The following ZBTB16 variants were observed in gnomAD, a reference collection of about 807,000 sequenced individuals.
The protein encoded by ZBTB16 is zinc finger and BTB domain containing 16.
Under a neutral mutation model 56.8 loss-of-function variants are expected in ZBTB16, and 8 were observed. That is an observed-to-expected ratio of 0.14 (90% confidence interval 0.08 to 0.25). The LOEUF is 0.25. ZBTB16 is among the 10% of genes least tolerant of loss of function. ZBTB16 has a pLI of 1.00. For synonymous variants in ZBTB16, 363 were observed against 368.5 expected (o/e 0.98, Z 0.17); for missense variants, 625 against 903.0 (o/e 0.69, Z 3.95).
intron 4 of ZBTB16, among the ~76,000 whole-genome samples, chr11:114,215,167 G>A (rs566385986): frequency 1.3e-5 from 2 of 152,248 alleles, no homozygotes; most frequent in South Asian, 4.1e-4. Context: ...CTAATTTTAC[G>A]AATGTTCCTT....
chr11:114,131,671 C>A (rs763585620), intron 2 of ZBTB16, among the ~76,000 whole-genome samples: 9 of 152,130 alleles, frequency 5.9e-5, no homozygotes, highest in Non-Finnish European at 1.3e-4. Context: ...ATAGCTCCCC[C>A]CCTTTTTTTC....
chr11:114,249,500 T>C, intron 6 of ZBTB16, among the ~76,000 whole-genome samples: 1 of 109,828 alleles, frequency 9.1e-6, no homozygotes, highest in African/African-American at 3.7e-5. Context: ...GCGCGGTGGC[T>C]CACGCCTGTA....
intron 4 of ZBTB16, among the ~76,000 whole-genome samples, chr11:114,201,944 A>G (rs1376096925): frequency 6.6e-6 from 1 of 152,258 alleles, no homozygotes; most frequent in Admixed American, 6.5e-5. Context: ...TGTGTATGGA[A>G]GGAGGACTTC....
chr11:114,107,710 A>G (rs1385427038), intron 2 of ZBTB16, among the ~76,000 whole-genome samples: 1 of 152,252 alleles, frequency 6.6e-6, no homozygotes, highest in Non-Finnish European at 1.5e-5. Flanking sequence ...GAGGAGATGC[A>G]TAATATGTGT....
intron 2 of ZBTB16, among the ~76,000 whole-genome samples, chr11:114,111,705 C>T (rs577883726): frequency 1.3e-5 from 2 of 152,300 alleles, no homozygotes; most frequent in East Asian, 3.9e-4. Flanking sequence ...GATTCTGACA[C>T]CTCTGTTTTG....
intron 2 of ZBTB16, among the ~76,000 whole-genome samples, chr11:114,110,891 C>A (rs1940979724): frequency 6.6e-6 from 1 of 152,186 alleles, no homozygotes; most frequent in Non-Finnish European, 1.5e-5. Context: ...TTTACACATG[C>A]TGTGCTTAAA....
chr11:114,066,601 C>A (rs1260186020), intron 2 of ZBTB16, among the ~76,000 whole-genome samples: 1 of 152,122 alleles, frequency 6.6e-6, no homozygotes, highest in Non-Finnish European at 1.5e-5. Flanking sequence ...ATACCACTCT[C>A]CTGAGACTTC....
intron 3 of ZBTB16, among the ~76,000 whole-genome samples, chr11:114,173,531 G>A (rs1351149550): frequency 6.6e-6 from 1 of 152,218 alleles, no homozygotes; most frequent in Admixed American, 6.5e-5. Context: ...GACAACTCTG[G>A]AGTCTCTAGG....
intron 4 of ZBTB16, among the ~76,000 whole-genome samples, chr11:114,210,192 T>TGCGCGC (rs1555155978): frequency 7.0e-4 from 101 of 143,342 alleles, no homozygotes; most frequent in Non-Finnish European, 1.1e-3. Context: ...TGTGTGTGTG[T>TGCGCGC]GCGTGCGCGC....
chr11:114,103,693 GATGCT>G (rs1279737682), intron 2 of ZBTB16, among the ~76,000 whole-genome samples: 1 of 152,126 alleles, frequency 6.6e-6, no homozygotes, highest in Non-Finnish European at 1.5e-5. Flanking sequence ...GCGCTTATCA[GATGCT>G]TTAGAAGATG....
intron 3 of ZBTB16, 33 bp downstream of exon 3, chr11:114,156,467 T>C: frequency 1.2e-6 from 2 of 1,601,446 alleles, no homozygotes; most frequent in Non-Finnish European, 1.7e-6. Flanking sequence ...CCCGTTCAGA[T>C]ACAGGCAACC....
intron 2 of ZBTB16, among the ~76,000 whole-genome samples, chr11:114,127,282 A>G (rs1941533680): frequency 6.6e-6 from 1 of 152,142 alleles, no homozygotes; most frequent in South Asian, 2.1e-4. Flanking sequence ...TTGCAGATCA[A>G]GGGTTCTCAA....
rs559626651 is a variant in ZBTB16, at chr11:114,253,753, A to G, written c.*3198A>G. On this transcript the variant is annotated 3_prime_UTR_variant, in exon 7 of 7. Coordinates refer to ENST00000335953, the MANE Select transcript of ZBTB16 (RefSeq NM_006006.6). Reference sequence around the variant, plus strand: ...AACTTCCTACCTACAACAACAGAACAGTTCTAATGTTGCACGGCCTAGTGG... The same window carrying G: ...AACTTCCTACCTACAACAACAGAACGGTTCTAATGTTGCACGGCCTAGTGG... Among the ~76,000 whole-genome samples the G allele has an allele frequency of 1.4e-4, 22 of 152,214 alleles. No individual in the cohort carries two copies. The highest frequency in any genetic ancestry group is 2.9e-4 in the Non-Finnish European group (20 of 68,042).
intron 2 of ZBTB16, among the ~76,000 whole-genome samples, chr11:114,088,192 A>G (rs1475804199): frequency 2.4e-5 from 3 of 126,426 alleles, no homozygotes; most frequent in Non-Finnish European, 3.2e-5. Context: ...CCCAGGCTGG[A>G]GTGTAGTGGC....
intron 2 of ZBTB16, among the ~76,000 whole-genome samples, chr11:114,113,320 T>C (rs1941078429): frequency 6.6e-6 from 1 of 152,230 alleles, no homozygotes; most frequent in Non-Finnish European, 1.5e-5. Flanking sequence ...TGGGACATTC[T>C]TCAAAAGAGA....
chr11:114,143,072 C>T lies in ZBTB16; in HGVS notation c.1269-13265C>T, dbSNP rs1011338135. ...TTGGTTTCTCTGCTGCCTTGGTGAG[C>T]GTGGGCTTGCTCCCACCTACTCTCC... is the stretch of plus-strand genomic sequence containing the variant. On this transcript the variant is annotated intron_variant, in intron 2 of 6. Transcript: ENST00000335953. This position sits in a 1 kb window ranked among gnomAD's most constrained non-coding sequence, Gnocchi z 6.4. 1.3e-4 allele frequency among the ~76,000 whole-genome samples: 20 copies of T among 152,232 alleles called. No individual in the cohort carries two copies. Among genetic ancestry groups the T allele is most frequent in the African/African-American group, 4.1e-4 (17 of 41,522 alleles).
At chr11:114,135,091 C>A (rs1941763904) in intron 2 of ZBTB16, among the ~76,000 whole-genome samples, 1 of 152,216 alleles carries the variant, frequency 6.6e-6, no homozygotes, top group Non-Finnish European at 1.5e-5. Context: ...CATGTGTGCA[C>A]ACACAGAGAC....
Position 114,253,113 on chromosome 11 carries a change from A to G in ZBTB16, c.*2558A>G, listed in dbSNP as rs1394571634. Among the ~76,000 whole-genome samples, 3 of 152,134 alleles carry G rather than the reference A, an allele frequency of 2.0e-5. No individual in the cohort carries two copies. Among genetic ancestry groups the G allele is most frequent in the African/African-American group, 7.2e-5 (3 of 41,400 alleles). Reference sequence around the variant, plus strand: ...TCCTCTGGTCTGGGAAGAAGCGGGGACTGGCTGGCCCTCAGGGGATCTGTA... The same window carrying G: ...TCCTCTGGTCTGGGAAGAAGCGGGGGCTGGCTGGCCCTCAGGGGATCTGTA... On this transcript the variant is annotated 3_prime_UTR_variant, in exon 7 of 7. Transcript: ENST00000335953.
chr11:114,166,737 C>T (rs1312720049), intron 3 of ZBTB16, among the ~76,000 whole-genome samples: 1 of 152,094 alleles, frequency 6.6e-6, no homozygotes, highest in Non-Finnish European at 1.5e-5. Flanking sequence ...TTGGATTCAG[C>T]CATGAAAATG....
Sources: allele counts gnomAD v4.1 joint callset (sites outside exome capture counted in the v4.1 genomes callset), GRCh38; gene constraint gnomAD v4.1.1; non-coding constraint Gnocchi (gnomAD v3.1); transcripts MANE v1.5; gene names NCBI Gene and HGNC (gene_info 2026-07-23, HGNC 2026-07-21).